Variants in ROBO2 observed in about 807,000 individuals in gnomAD.
The protein encoded by ROBO2 is roundabout guidance receptor 2, also known as roundabout homolog 2.
In ROBO2, 53 loss-of-function variants were observed where a neutral mutation model predicts 160.8. The ratio of observed to expected loss-of-function variants is 0.33; its 90% confidence interval spans 0.26 to 0.41. The LOEUF (loss-of-function observed/expected upper bound fraction) is 0.41. Among genes scored for constraint, ROBO2 ranks in the 10% least tolerant of loss-of-function variants. ROBO2 has a pLI of 1.00. For missense variants in ROBO2, 1,577 were observed against 1,722.4 expected (o/e 0.92, Z 1.49); for synonymous variants, 664 against 611.7 (o/e 1.09, Z -1.26).
chr3:77,603,984 A>G (rs1044678172), intron 20 of ROBO2: 2 of 152,148 alleles, frequency 1.3e-5, no homozygotes, highest in African/African-American at 4.8e-5. Context: ...GTATTATGGC[A>G]TGTCACAGGC....
At chr3:77,097,479 C>T (rs2071243413) in intron 1 of ROBO2, among the ~76,000 whole-genome samples, 1 of 152,162 alleles carries the variant, frequency 6.6e-6, no homozygotes, top group Non-Finnish European at 1.5e-5. Flanking sequence ...GCCTCTGCTG[C>T]TTGCCTCATC....
At chr3:76,126,568 A>C (rs1468911882) in intron 2 of ROBO2, among the ~76,000 whole-genome samples, 1 of 152,188 alleles carries the variant, frequency 6.6e-6, no homozygotes, top group Non-Finnish European at 1.5e-5. Context: ...CATGTTCCTT[A>C]AAGCAAGAAA....
chr3:77,640,097 ATTTTTTTTTTTTTTT>A (rs71104695), intron 24 of ROBO2, among the ~76,000 whole-genome samples: 11 of 65,440 alleles, frequency 1.7e-4, no homozygotes, highest in African/African-American at 3.9e-4. Context: ...CAGAGGAAGC[ATTTTTTTTTTTTTTT>A]TTTTTTTTTT....
At chr3:76,418,895 A>C (rs6804615) in intron 2 of ROBO2, among the ~76,000 whole-genome samples, 1 of 152,212 alleles carries the variant, frequency 6.6e-6, no homozygotes, top group Non-Finnish European at 1.5e-5. Flanking sequence ...AAACTAGAAT[A>C]AATTCAATTA....
intron 2 of ROBO2, among the ~76,000 whole-genome samples, chr3:76,134,302 G>A (rs1384619252): frequency 1.3e-5 from 2 of 151,148 alleles, no homozygotes; most frequent in Admixed American, 1.3e-4. Flanking sequence ...GATAACCACC[G>A]TAAATACAGA....
At chr3:76,522,922 A>G (rs1368249695) in intron 2 of ROBO2, among the ~76,000 whole-genome samples, 1 of 150,764 alleles carries the variant, frequency 6.6e-6, no homozygotes, top group Non-Finnish European at 1.5e-5. Context: ...ATATACAGAG[A>G]TAGATATAGA....
At chr3:77,586,855 T>G (rs1033681368) in intron 16 of ROBO2, among the ~76,000 whole-genome samples, 1 of 148,400 alleles carries the variant, frequency 6.7e-6, no homozygotes, top group Non-Finnish European at 1.5e-5. Context: ...ATATATAATA[T>G]TAAACATATA....
chr3:76,036,382 T>G (rs2067108740), intron 2 of ROBO2, among the ~76,000 whole-genome samples: 1 of 151,956 alleles, frequency 6.6e-6, no homozygotes, highest in South Asian at 2.1e-4. Context: ...ACTCCTGACC[T>G]CAGGTGATCT....
chr3:76,084,592 C>G (rs1243315494), intron 2 of ROBO2, among the ~76,000 whole-genome samples: 2 of 152,032 alleles, frequency 1.3e-5, no homozygotes, highest in Non-Finnish European at 2.9e-5. Context: ...TGTACTGACC[C>G]GAATTTGGCT....
chr3:76,212,433 A>G (rs937584037), intron 2 of ROBO2, among the ~76,000 whole-genome samples: 1 of 152,058 alleles, frequency 6.6e-6, no homozygotes, highest in Non-Finnish European at 1.5e-5. Context: ...TAAAATAGAA[A>G]TCAGAAAATA....
chr3:77,537,882 C>T (rs922181887), intron 6 of ROBO2, among the ~76,000 whole-genome samples: 3 of 152,168 alleles, frequency 2.0e-5, no homozygotes, highest in Middle Eastern at 6.8e-3. Flanking sequence ...AGGGTAAAGA[C>T]CCTGCCCCGT....
rs531696770 is a variant in ROBO2, at chr3:77,343,329, C to T, written c.389-134085C>T. Among the ~76,000 whole-genome samples, 3 of 152,236 alleles carry T rather than the reference C, an allele frequency of 2.0e-5. No individual in the cohort carries two copies. In the South Asian group the frequency reaches 6.2e-4, roughly 32 times the overall value. On this transcript the variant is annotated intron_variant, in intron 2 of 25. Transcript: ENST00000461745. ...AATTTAAGAGCTCTTTGCCTATAGG[C>T]TTTGGCCACTTCTGTTTTCTCCAAG...
chr3:77,262,381 A>T (rs1490447435), intron 2 of ROBO2, among the ~76,000 whole-genome samples: 1 of 152,214 alleles, frequency 6.6e-6, no homozygotes, highest in East Asian at 1.9e-4. Context: ...AAGTAGTAAG[A>T]TAAATGATCA....
chr3:77,159,742 A>G (rs1304331218), intron 2 of ROBO2, among the ~76,000 whole-genome samples: 1 of 152,166 alleles, frequency 6.6e-6, no homozygotes, highest in Non-Finnish European at 1.5e-5. Flanking sequence ...TCATATAAAC[A>G]TATTGAAATT....
intron 2 of ROBO2, among the ~76,000 whole-genome samples, chr3:76,110,697 A>G (rs1370791354): frequency 6.6e-6 from 1 of 152,084 alleles, no homozygotes; most frequent in Non-Finnish European, 1.5e-5. Flanking sequence ...GAAAATATAG[A>G]TGGAAAAGGC....
At chr3:76,006,703 G>C (rs2066029000) in intron 2 of ROBO2, among the ~76,000 whole-genome samples, 1 of 151,982 alleles carries the variant, frequency 6.6e-6, no homozygotes, top group Non-Finnish European at 1.5e-5. Flanking sequence ...AAATATAGTA[G>C]GTGCTCATTT....
chr3:77,401,452 A>G (rs761624779), intron 2 of ROBO2, among the ~76,000 whole-genome samples: 2 of 152,148 alleles, frequency 1.3e-5, no homozygotes, highest in Non-Finnish European at 2.9e-5. Context: ...TCAGAATTTT[A>G]TGAAATGCTT....
chr3:77,648,401 G>C (rs560062666), exon 26 of ROBO2: 2 of 152,284 alleles, frequency 1.3e-5, no homozygotes, highest in South Asian at 2.1e-4. Flanking sequence ...TGAAGTATGT[G>C]TGTGCAGATG....
At chr3:77,277,157 C>CTTCT (rs758551962) in intron 2 of ROBO2, among the ~76,000 whole-genome samples, 7,307 of 87,872 alleles carry the variant, frequency 0.083, 384 homozygotes, top group East Asian at 0.17. Flanking sequence ...TCCTTCTTTC[C>CTTCT]TTCTTTCTTT....
Sources: allele counts gnomAD v4.1 joint callset (sites outside exome capture counted in the v4.1 genomes callset), GRCh38; gene constraint gnomAD v4.1.1; transcripts MANE v1.5; gene names NCBI Gene and HGNC (gene_info 2026-07-23, HGNC 2026-07-21).